BMP1: variants seen among roughly 807,000 people sequenced by gnomAD.
BMP1 encodes bone morphogenetic protein 1.
BMP1 carries 63 observed loss-of-function variants against 116.8 expected under a neutral mutation model. That is an observed-to-expected ratio of 0.54 (90% CI 0.44 to 0.67). BMP1 has a LOEUF of 0.67. BMP1 is among the 30% of genes least tolerant of loss of function. The pLI, the probability that BMP1 is intolerant of heterozygous loss-of-function variation, is 0.00. For synonymous variants in BMP1, 536 were observed against 533.4 expected, an observed-to-expected ratio of 1.00 and a Z score of -0.07; for missense variants, 1,183 against 1,358.9, an observed-to-expected ratio of 0.87 and a Z score of 2.04.
At chr8:22,207,890 T>G (rs1829394019) in intron 18 of BMP1, among the ~76,000 whole-genome samples, 1 of 152,176 alleles carries the variant, frequency 6.6e-6, no homozygotes, top group Admixed American at 6.5e-5. Flanking sequence ...TTTTATTTAT[T>G]TTTTATTTTT....
Position 22,197,034 on chromosome 8 carries a change from G to A in BMP1, c.1926+194G>A, listed in dbSNP as rs114315100. Among the ~76,000 whole-genome samples, 659 of 152,336 alleles carry A rather than the reference G, an allele frequency of 4.3e-3. 3 individuals carry two copies. Among genetic ancestry groups the A allele is most frequent in the African/African-American group, 0.015 (621 of 41,578 alleles). ...CCCAAAGGGGGCGGGGGGACATGTA[G>A]CAAGTGGGAGGAAGGACATGGAGTT... On this transcript the variant is annotated intron_variant, in intron 14 of 19. Coordinates refer to ENST00000306385, the MANE Select transcript of BMP1 (RefSeq NM_006129.5).
intron 8 of BMP1, among the ~76,000 whole-genome samples, chr8:22,181,018 T>G (rs1173575589): frequency 6.6e-6 from 1 of 152,212 alleles, no homozygotes; most frequent in African/African-American, 2.4e-5. Flanking sequence ...GCTCTAGTCC[T>G]GGGAACAATT....
Position 22,176,151 on chromosome 8 carries a change from A to C in BMP1, c.271A>C (p.Asn91His). 1 of 1,614,110 alleles carries C rather than the reference A, an allele frequency of 6.2e-7. No individual in the cohort carries two copies. Among genetic ancestry groups the C allele is most frequent in the Non-Finnish European group, 8.5e-7 (1 of 1,180,018 alleles). ...ATGACTTCCTCTCTCAGTTCCAGGA[A>C]ACACTTCTACCCCCAGCTGCCAGAG... The part of the protein sequence containing the change: ...KSSIKAAVPG[N>H]TSTPSCQSTN... Residue 91 changes from asparagine (N) to histidine (H), a missense_variant, in exon 3 of 20, where the codon AAC (asparagine) becomes CAC (histidine). Physicochemically the swap from Asn to His is moderately conservative, Grantham distance 68. This residue lies in a region of BMP1 where 185 missense variants were observed against 158.9 expected (regional missense o/e 1.16). Transcript: ENST00000306385.
In BMP1 at chr8:22,196,206, A is replaced by G. The variant is rs770215089; in HGVS notation, c.1766-474A>G. ...GGTGTTATGATCTACAGGTTGGGAA[A>G]CCCCTGTTGTGGGACAGACACTGTT... is the stretch of plus-strand genomic sequence containing the variant. On this transcript the variant is annotated intron_variant, in intron 13 of 19. Coordinates refer to ENST00000306385, the MANE Select transcript of BMP1 (RefSeq NM_006129.5). 6.1e-5 allele frequency: 32 copies of G among 523,420 alleles called. 2 individuals carry two copies. The highest frequency in any genetic ancestry group is 4.3e-4 in the South Asian group (31 of 71,598). The allele number at this position is 523,420 out of a possible 1,614,324, so 32.4% of individuals were successfully genotyped here. A position where few individuals can be genotyped will look rare whatever the true frequency, so the allele number is the denominator to read the frequency against.
At chr8:22,183,950 C>G (rs79944303) in intron 8 of BMP1, among the ~76,000 whole-genome samples, 3,432 of 152,228 alleles carry the variant, frequency 0.023, 123 homozygotes, top group African/African-American at 0.077. Flanking sequence ...TAACATTATC[C>G]CTGTTTTGGA....
At chr8:22,165,659 C>A in intron 1 of BMP1, 106 bp downstream of exon 1, 1 of 1,241,100 alleles carries the variant, frequency 8.1e-7, no homozygotes, top group Non-Finnish European at 1.1e-6. Context: ...CGGGAGCTGC[C>A]TGGTTGGCAA....
chr8:22,184,921 G>GT (rs145948436), intron 8 of BMP1, among the ~76,000 whole-genome samples: 45 of 152,330 alleles, frequency 3.0e-4, no homozygotes, highest in Admixed American at 1.4e-3. Context: ...TGGGGAAGTT[G>GT]TTTTTCATTT....
At chr8:22,197,532 C>A in intron 15 of BMP1, 112 bp downstream of exon 15, 2 of 1,233,722 alleles carry the variant, frequency 1.6e-6, no homozygotes, top group Non-Finnish European at 2.3e-6. Context: ...GCCAGGCAGG[C>A]AGAGTCTGCC....
At chr8:22,177,267 C>A in intron 5 of BMP1, 128 bp downstream of exon 5, 1 of 1,024,930 alleles carries the variant, frequency 9.8e-7, no homozygotes, top group Non-Finnish European at 1.4e-6. Flanking sequence ...GCGCTGCCCA[C>A]AGCCTGGGTT....
At chr8:22,206,799 G>A in intron 16 of BMP1, 55 bp from the exon 17 acceptor site, 1 of 1,610,306 alleles carries the variant, frequency 6.2e-7, no homozygotes, top group African/African-American at 1.3e-5. Flanking sequence ...CCCCACAGGA[G>A]GCATCGGAGC....
rs962923162 is a variant in BMP1 at position 22,196,971 on chromosome 8, C to T, written c.1926+131C>T. ...CTGCAAATATCGAGGAGAGACTGCTCCCAGCTCACGAAGCACAGGAGGCCC... is the reference window on the plus strand; with the variant it reads ...CTGCAAATATCGAGGAGAGACTGCTTCCAGCTCACGAAGCACAGGAGGCCC... On this transcript the variant is annotated intron_variant, in intron 14 of 19. Transcript: ENST00000306385. The T allele has an allele frequency of 3.9e-6, 5 of 1,297,540 alleles. No homozygotes were observed. In the African/African-American group the frequency reaches 7.5e-5, roughly 19 times the overall value. The allele number at this position is 1,297,540 out of a possible 1,614,324, so 80.4% of individuals were successfully genotyped here.
chr8:22,203,072 C>T (rs1432187038), intron 16 of BMP1, among the ~76,000 whole-genome samples: 1 of 152,018 alleles, frequency 6.6e-6, no homozygotes, highest in Non-Finnish European at 1.5e-5. Context: ...ACCAGTATCC[C>T]CTAATACCTC....
At chr8:22,203,624 A>T (rs1326820118) in intron 16 of BMP1, among the ~76,000 whole-genome samples, 1 of 152,228 alleles carries the variant, frequency 6.6e-6, no homozygotes, top group African/African-American at 2.4e-5. Context: ...CATGGCTCTG[A>T]GCCATTAGCA....
At position 22,179,949 on chromosome 8, in the gene BMP1, G is replaced by A; in HGVS notation, c.961+120G>A. 1 of 1,173,418 alleles carries A rather than the reference G, an allele frequency of 8.5e-7. No homozygotes were observed. Among genetic ancestry groups the A allele is most frequent in the Non-Finnish European group, 1.2e-6 (1 of 846,426 alleles). The allele number at this position is 1,173,418 out of a possible 1,614,324, so 72.7% of individuals were successfully genotyped here. ...CAAGTCTTAGAGAATGGTGTGGCGG[G>A]GGAGGGGACCCCATAGGAGGGGCAG... On this transcript the variant is annotated intron_variant, in intron 7 of 19. Transcript: ENST00000306385. This position sits in a 1 kb window ranked among gnomAD's most constrained non-coding sequence, Gnocchi z 4.6.
intron 13 of BMP1, among the ~76,000 whole-genome samples, chr8:22,195,821 AT>A (rs1005197405): frequency 4.0e-5 from 6 of 151,686 alleles, no homozygotes; most frequent in Non-Finnish European, 8.8e-5. Flanking sequence ...TAATTTTAAA[AT>A]TTTTTTTGTA....
rs1829038661 is a variant in BMP1 at position 22,194,924 on chromosome 8, C to T, written c.1639+5C>T. 3.1e-6 allele frequency: 5 copies of T among 1,603,264 alleles called. No individual in the cohort carries two copies. The highest frequency in any genetic ancestry group is 4.3e-6 in the Non-Finnish European group (5 of 1,175,362). ...TTGCCGTCAACTTTTTCAAAGGTGC[C>T]TCCTCTGTTACTCTCCCCTGCCCCA... On this transcript the variant is annotated splice_donor_5th_base_variant and intron_variant, in intron 12 of 19. Coordinates refer to ENST00000306385, the MANE Select transcript of BMP1 (RefSeq NM_006129.5). This position sits in a 1 kb window ranked among gnomAD's most constrained non-coding sequence, Gnocchi z 4.5.
chr8:22,175,891 G>T (rs894693679), intron 2 of BMP1, among the ~76,000 whole-genome samples: 6 of 152,216 alleles, frequency 3.9e-5, no homozygotes, highest in African/African-American at 1.4e-4. Context: ...GCCGAAAGCA[G>T]AAAGCGGAGC....
chr8:22,192,814 C>T lies in BMP1; in HGVS notation c.1180+663C>T, dbSNP rs182634455. ...ATCCTAGAGGGTATTGCAGCAAGCC[C>T]GAGGAGCCGTGTGAATCTCCTCCTA... On this transcript the variant is annotated intron_variant, in intron 9 of 19. Transcript: ENST00000306385. 1.6e-4 allele frequency among the ~76,000 whole-genome samples: 24 copies of T among 152,214 alleles called. 1 individual carries two copies. In the East Asian group the frequency reaches 3.7e-3, roughly 23 times the overall value.
At chr8:22,185,553 G>T (rs1247895644) in intron 8 of BMP1, among the ~76,000 whole-genome samples, 1 of 152,116 alleles carries the variant, frequency 6.6e-6, no homozygotes, top group Non-Finnish European at 1.5e-5. Flanking sequence ...AGAACTTTTG[G>T]AGCTGGCAAT....
Sources: allele counts gnomAD v4.1 joint callset (sites outside exome capture counted in the v4.1 genomes callset), GRCh38; gene constraint gnomAD v4.1.1; regional missense constraint gnomAD v4.1.1; non-coding constraint Gnocchi (gnomAD v3.1); transcripts MANE v1.5; gene names NCBI Gene and HGNC (gene_info 2026-07-23, HGNC 2026-07-21).